CERS6: variants seen among roughly 807,000 people sequenced by gnomAD.
CERS6 encodes ceramide synthase 6, also known as LAG1 homolog, ceramide synthase 6.
A neutral mutation model predicts 56.8 loss-of-function variants in CERS6; 26 were observed. That is an observed-to-expected ratio of 0.46 (90% CI 0.34 to 0.63). CERS6 has a LOEUF of 0.63. Ranked by LOEUF, CERS6 falls within the 30% of genes least tolerant of loss-of-function variation. The pLI is 0.01. For synonymous variants in CERS6, 164 were observed against 173.3 expected (o/e 0.95, Z 0.42); for missense variants, 415 against 467.5 (o/e 0.89, Z 1.04).
intron 8 of CERS6, among the ~76,000 whole-genome samples, chr2:168,728,723 C>T (rs1041724067): frequency 8.6e-5 from 13 of 151,796 alleles, no homozygotes; most frequent in African/African-American, 3.1e-4. Context: ...GCATTGTCGC[C>T]GGCCAGTCGC....
chr2:168,708,809 G>GT (rs1275793160), intron 6 of CERS6, among the ~76,000 whole-genome samples: 1 of 152,014 alleles, frequency 6.6e-6, no homozygotes, highest in Non-Finnish European at 1.5e-5. Context: ...GTTCACTAAT[G>GT]TTTTTCTTAA....
intron 8 of CERS6, among the ~76,000 whole-genome samples, chr2:168,741,664 T>A (rs572057479): frequency 6.6e-6 from 1 of 152,300 alleles, no homozygotes; most frequent in East Asian, 1.9e-4. Flanking sequence ...TGAAGCATGC[T>A]GGTAATGAGA....
chr2:168,555,199 C>T (rs903629551), intron 2 of CERS6, among the ~76,000 whole-genome samples: 3 of 151,810 alleles, frequency 2.0e-5, no homozygotes, highest in Non-Finnish European at 4.4e-5. Flanking sequence ...AAATTAGGCA[C>T]GATTTAATAC....
intron 3 of CERS6, among the ~76,000 whole-genome samples, chr2:168,610,304 C>T (rs1684156585): frequency 6.6e-6 from 1 of 152,072 alleles, no homozygotes; most frequent in African/African-American, 2.4e-5. Flanking sequence ...ATAGGTAAGG[C>T]TTCCTTAGAT....
chr2:168,545,154 T>C (rs565590527), intron 1 of CERS6, among the ~76,000 whole-genome samples: 4 of 152,328 alleles, frequency 2.6e-5, no homozygotes. Flanking sequence ...AACACATACA[T>C]GTATTTGTAG....
chr2:168,527,132 T>A (rs1324308704), intron 1 of CERS6, among the ~76,000 whole-genome samples: 1 of 152,210 alleles, frequency 6.6e-6, no homozygotes, highest in Non-Finnish European at 1.5e-5. Context: ...AGAGGAAGAC[T>A]GGACATGCTT....
intron 1 of CERS6, among the ~76,000 whole-genome samples, chr2:168,508,760 AGATGATGG>A (rs1377238014): frequency 1.3e-5 from 2 of 152,316 alleles, no homozygotes; most frequent in East Asian, 3.9e-4. Flanking sequence ...TACCTAATGT[AGATGATGG>A]GTTGATGGGT....
chr2:168,545,580 C>T (rs572776685), intron 1 of CERS6, among the ~76,000 whole-genome samples: 22 of 151,904 alleles, frequency 1.4e-4, no homozygotes, highest in African/African-American at 5.1e-4. Flanking sequence ...TTCTTGACTC[C>T]CCTACTGCCT....
intron 1 of CERS6, among the ~76,000 whole-genome samples, chr2:168,487,158 A>C (rs1474230083): frequency 6.6e-6 from 1 of 152,204 alleles, no homozygotes; most frequent in Non-Finnish European, 1.5e-5. Flanking sequence ...AAGGTGAGGA[A>C]GGGTATTGAT....
chr2:168,541,250 C>T (rs1695363595), intron 1 of CERS6, among the ~76,000 whole-genome samples: 1 of 152,204 alleles, frequency 6.6e-6, no homozygotes, highest in African/African-American at 2.4e-5. Context: ...CCACCTTTCA[C>T]ATTGGGGATC....
intron 3 of CERS6, among the ~76,000 whole-genome samples, chr2:168,609,660 CTG>C (rs1684137027): frequency 1.3e-5 from 2 of 152,180 alleles, no homozygotes; most frequent in South Asian, 4.1e-4. Flanking sequence ...TTTCCCTGCT[CTG>C]TGTTACCCTA....
In CERS6 at chr2:168,758,895, C is replaced by T. The variant is rs368607830; in HGVS notation, c.846-6697C>T. Among the ~76,000 whole-genome samples, 32 of 152,136 alleles carry T rather than the reference C, an allele frequency of 2.1e-4. No homozygotes were observed. In the East Asian group the frequency reaches 4.2e-3, roughly 20 times the overall value. On this transcript the variant is annotated intron_variant, in intron 8 of 9. Coordinates refer to ENST00000305747, the MANE Select transcript of CERS6 (RefSeq NM_203463.3). The stretch of plus-strand genomic sequence containing the variant: ...TTAAGTCACAGTGATGCTTAGAATG[C>T]GAATCGGTACGGCCTTAAGTATCTT...
intron 3 of CERS6, among the ~76,000 whole-genome samples, chr2:168,629,017 T>G (rs6722396): frequency 6.6e-6 from 1 of 151,884 alleles, no homozygotes; most frequent in South Asian, 2.1e-4. Context: ...GAAGTGCTTT[T>G]TCAAGTTGCA....
intron 1 of CERS6, among the ~76,000 whole-genome samples, chr2:168,461,459 CAAAA>C (rs397869323): frequency 3.8e-5 from 3 of 79,042 alleles, no homozygotes; most frequent in Admixed American, 1.5e-4. Context: ...GACCCTGTCT[CAAAA>C]AAAAAAAAAA....
At chr2:168,534,293 T>C (rs1695219210) in intron 1 of CERS6, among the ~76,000 whole-genome samples, 1 of 151,916 alleles carries the variant, frequency 6.6e-6, no homozygotes, top group African/African-American at 2.4e-5. Flanking sequence ...TGGAGAAGAG[T>C]CATTCAGGCT....
chr2:168,457,550 TC>T (rs1296307590), intron 1 of CERS6, among the ~76,000 whole-genome samples: 1 of 152,190 alleles, frequency 6.6e-6, no homozygotes, highest in Non-Finnish European at 1.5e-5. Context: ...ACTTTTTTTT[TC>T]GTAACAGAAA....
chr2:168,550,725 G>A (rs758851099), intron 2 of CERS6, among the ~76,000 whole-genome samples: 11 of 152,288 alleles, frequency 7.2e-5, no homozygotes, highest in Non-Finnish European at 1.5e-4. Context: ...GGTGATGAAG[G>A]ACCTTCAAGT....
chr2:168,733,203 C>T (rs1381148706), intron 8 of CERS6, among the ~76,000 whole-genome samples: 2 of 152,300 alleles, frequency 1.3e-5, no homozygotes, highest in East Asian at 1.9e-4. Flanking sequence ...ATTGCATTTA[C>T]GTGAAAACCC....
chr2:168,749,358 G>A (rs1047027483), intron 8 of CERS6, among the ~76,000 whole-genome samples: 10 of 152,196 alleles, frequency 6.6e-5, no homozygotes, highest in African/African-American at 2.4e-4. Context: ...ATCAGTTTTA[G>A]AGTGAGAAAT....
Sources: gnomAD v4.1 joint callset for allele counts (sites outside exome capture counted in the v4.1 genomes callset) on GRCh38, gnomAD v4.1.1 for gene constraint, MANE v1.5 for transcripts, NCBI Gene and HGNC (gene_info 2026-07-23, HGNC 2026-07-21) for gene names.